Variants in GRB2 observed in about 807,000 individuals in gnomAD.
GRB2 encodes the protein growth factor receptor bound protein 2.
Under a neutral mutation model 27.4 loss-of-function variants are expected in GRB2, and 2 were observed. That is an observed-to-expected ratio of 0.07 (90% CI 0.03 to 0.23). The LOEUF is 0.23. Among genes scored for constraint, GRB2 ranks in the 10% least tolerant of loss-of-function variants. The pLI is 1.00. For missense variants in GRB2, 102 were observed against 282.4 expected, an observed-to-expected ratio of 0.36 and a Z score of 4.58; for synonymous variants, 94 against 99.6, an observed-to-expected ratio of 0.94 and a Z score of 0.33.
chr17:75,370,644 G>A (rs1414671914), intron 2 of GRB2, among the ~76,000 whole-genome samples: 2 of 152,198 alleles, frequency 1.3e-5, no homozygotes, highest in Non-Finnish European at 2.9e-5. Context: ...TAGCAGCAAA[G>A]TAAACTCAAG....
In GRB2 at chr17:75,398,096, T is replaced by C. The variant is rs187450195; in HGVS notation, c.-137-4331A>G. 2.4e-4 allele frequency among the ~76,000 whole-genome samples: 36 copies of C among 151,954 alleles called. 1 individual carries two copies. Among genetic ancestry groups the C allele is most frequent in the African/African-American group, 8.4e-4 (35 of 41,424 alleles). The stretch of plus-strand genomic sequence containing the variant: ...CCTCAGCCTCCCAAAGTGCTGGGAT[T>C]ACAGGCATGAGCCACTGCACCCAGC... On this transcript the variant is annotated intron_variant, in intron 1 of 5. Transcript: ENST00000316804.
intron 2 of GRB2, among the ~76,000 whole-genome samples, chr17:75,363,452 T>C (rs536651227): frequency 6.6e-6 from 1 of 152,302 alleles, no homozygotes; most frequent in Admixed American, 6.5e-5. Flanking sequence ...CTGTCTATTA[T>C]TTCAGGAAAC....
At chr17:75,389,572 C>A (rs528222964) in intron 2 of GRB2, among the ~76,000 whole-genome samples, 1 of 152,134 alleles carries the variant, frequency 6.6e-6, no homozygotes, top group Non-Finnish European at 1.5e-5. Flanking sequence ...TCTTGCCGGG[C>A]GCGGTGGCTC....
At chr17:75,321,350 T>C (rs2078458372) in intron 5 of GRB2, among the ~76,000 whole-genome samples, 1 of 151,932 alleles carries the variant, frequency 6.6e-6, no homozygotes, top group Non-Finnish European at 1.5e-5. Context: ...CTAATTTTTG[T>C]ATTTTTAGTA....
chr17:75,403,348 ACAACATG>A (rs1409601895), intron 1 of GRB2, among the ~76,000 whole-genome samples: 8 of 152,020 alleles, frequency 5.3e-5, no homozygotes, highest in Admixed American at 1.3e-4. Context: ...ACTCTGATGG[ACAACATG>A]CAACATGATA....
At chr17:75,334,789 T>C (rs11868242) in intron 2 of GRB2, among the ~76,000 whole-genome samples, 3,251 of 152,090 alleles carry the variant, frequency 0.021, 122 homozygotes, top group African/African-American at 0.073. Flanking sequence ...TTAAAAAGTG[T>C]AAAAGAAAAG....
In GRB2 at chr17:75,382,602, G is replaced by C. The variant is rs1347770556; in HGVS notation, c.78+10949C>G. ...TGTAGTTCTTTTGATAAAAATGTTA[G>C]GACAGAAAGTAAAAGAACTACTGCT... is the stretch of plus-strand genomic sequence containing the variant. On this transcript the variant is annotated intron_variant, in intron 2 of 5. Coordinates refer to ENST00000316804, the MANE Select transcript of GRB2 (RefSeq NM_002086.5). 2.6e-5 allele frequency among the ~76,000 whole-genome samples: 4 copies of C among 152,170 alleles called. No individual in the cohort carries two copies. In the East Asian group the frequency reaches 5.8e-4, roughly 22 times the overall value.
chr17:75,324,349 G>A (rs1417817473), intron 4 of GRB2, among the ~76,000 whole-genome samples: 4 of 146,968 alleles, frequency 2.7e-5, no homozygotes, highest in East Asian at 2.0e-4. Flanking sequence ...ACGCCACCAC[G>A]CCGAGGCCAT....
chr17:75,319,405 G>A lies in GRB2; in HGVS notation c.*963C>T, dbSNP rs2078441373. ...AAACAACATGCTCGATAATCCCACTGGAAGGGCCAACAAAGTGGAAAGAGA... is the reference window on the plus strand; with the variant it reads ...AAACAACATGCTCGATAATCCCACTAGAAGGGCCAACAAAGTGGAAAGAGA... On this transcript the variant is annotated 3_prime_UTR_variant, in exon 6 of 6. Transcript: ENST00000316804. 1 of 149,408 alleles carries A rather than the reference G, an allele frequency of 6.7e-6. No homozygotes were observed. Among genetic ancestry groups the A allele is most frequent in the Non-Finnish European group, 1.5e-5 (1 of 67,484 alleles). The allele number at this position is 149,408 out of a possible 1,614,324, so 9.3% of individuals were successfully genotyped here. A position where few individuals can be genotyped will look rare whatever the true frequency, so the allele number is the denominator to read the frequency against.
At position 75,388,739 on chromosome 17, in the gene GRB2, G is replaced by C. The variant is rs551979958; in HGVS notation, c.78+4812C>G. Among the ~76,000 whole-genome samples, 84 of 152,096 alleles carry C rather than the reference G, an allele frequency of 5.5e-4. 1 individual carries two copies. The highest frequency in any genetic ancestry group is 2.0e-3 in the African/African-American group (81 of 41,482). On this transcript the variant is annotated intron_variant, in intron 2 of 5. Transcript: ENST00000316804. Reference sequence around the variant, plus strand: ...CTTCAGGCTTGCACGAGCATGCCTGGCTTTTTATTTAGATTAGGTAATTTG... The same window carrying C: ...CTTCAGGCTTGCACGAGCATGCCTGCCTTTTTATTTAGATTAGGTAATTTG...
chr17:75,358,862 G>GA (rs1279755615), intron 2 of GRB2, among the ~76,000 whole-genome samples: 3 of 122,366 alleles, frequency 2.5e-5, no homozygotes, highest in Non-Finnish European at 5.0e-5. Context: ...CCAGCATGGC[G>GA]ACAGGGCAAG....
At chr17:75,336,886 C>T (rs1486459952) in intron 2 of GRB2, among the ~76,000 whole-genome samples, 3 of 151,994 alleles carry the variant, frequency 2.0e-5, no homozygotes, top group South Asian at 2.1e-4. Context: ...TACAGGCATG[C>T]GCCACTATAC....
intron 1 of GRB2, among the ~76,000 whole-genome samples, chr17:75,400,643 G>T (rs1319443761): frequency 6.6e-6 from 1 of 151,794 alleles, no homozygotes. Context: ...CCTAATTTTT[G>T]AATTTTCTTT....
intron 3 of GRB2, among the ~76,000 whole-genome samples, chr17:75,330,323 A>C (rs967599612): frequency 6.6e-6 from 1 of 151,764 alleles, no homozygotes; most frequent in Non-Finnish European, 1.5e-5. Context: ...TGGGGGTTGC[A>C]GTGAGCCGAG....
chr17:75,388,501 G>A (rs1180843795), intron 2 of GRB2, among the ~76,000 whole-genome samples: 2 of 150,396 alleles, frequency 1.3e-5, no homozygotes, highest in Admixed American at 1.3e-4. Context: ...GGGTGCAATG[G>A]CTCACACCTG....
intron 2 of GRB2, chr17:75,387,505 T>A (rs1025748064): frequency 1.3e-5 from 2 of 150,034 alleles, no homozygotes; most frequent in Non-Finnish European, 3.0e-5. Context: ...AAATGATCTA[T>A]AATTTAGTAG....
rs2078460867 is a variant in GRB2 at position 75,321,652 on chromosome 17, G to A, written c.468+7C>T. ...AAATGATCCCATCTCACCCTGATGA[G>A]GCTTACCTGTGGCACCTGTTCTATG... On this transcript the variant is annotated splice_region_variant and intron_variant, in intron 5 of 5. Coordinates refer to ENST00000316804, the MANE Select transcript of GRB2 (RefSeq NM_002086.5). 1.9e-6 allele frequency: 3 copies of A among 1,613,708 alleles called. No individual in the cohort carries two copies. The highest frequency in any genetic ancestry group is 2.5e-6 in the Non-Finnish European group (3 of 1,179,732).
intron 2 of GRB2, among the ~76,000 whole-genome samples, chr17:75,369,081 C>T (rs1338406042): frequency 1.3e-5 from 2 of 152,160 alleles, no homozygotes; most frequent in Non-Finnish European, 2.9e-5. Flanking sequence ...GCAAATGGCA[C>T]AGCCAAAGTT....
intron 1 of GRB2, among the ~76,000 whole-genome samples, chr17:75,403,171 A>T (rs199897296): frequency 2.1e-5 from 3 of 146,060 alleles, no homozygotes; most frequent in South Asian, 2.1e-4. Flanking sequence ...TATATATATA[A>T]ATATATATAT....
Sources: gnomAD v4.1 joint callset for allele counts (sites outside exome capture counted in the v4.1 genomes callset) on GRCh38, gnomAD v4.1.1 for gene constraint, MANE v1.5 for transcripts, NCBI Gene and HGNC (gene_info 2026-07-23, HGNC 2026-07-21) for gene names.